The following RBKS variants were observed in gnomAD, a reference collection of about 807,000 sequenced individuals.
The protein encoded by RBKS is ribokinase.
A neutral mutation model predicts 33.9 loss-of-function variants in RBKS; 33 were observed. The observed-to-expected ratio is 0.97, with a 90% CI of 0.74 to 1.30. RBKS has a LOEUF of 1.30. Among genes scored for constraint, RBKS ranks in the 50% most tolerant of loss-of-function variants. The pLI is 0.00. For synonymous variants in RBKS, 125 were observed against 143.0 expected (o/e 0.87, Z 0.90); for missense variants, 361 against 392.6 (o/e 0.92, Z 0.68).
chr2:27,784,447 A>C (rs933768121), intron 7 of RBKS, among the ~76,000 whole-genome samples: 1 of 152,214 alleles, frequency 6.6e-6, no homozygotes, highest in African/African-American at 2.4e-5. Context: ...CAGCACAGTG[A>C]TGGGTGCTAG....
intron 7 of RBKS, among the ~76,000 whole-genome samples, chr2:27,805,864 C>T (rs1246238136): frequency 1.3e-5 from 2 of 151,522 alleles, no homozygotes; most frequent in East Asian, 1.9e-4. Context: ...CATGAGCCAC[C>T]TTGCCCGGCC....
intron 7 of RBKS, among the ~76,000 whole-genome samples, chr2:27,819,274 T>C (rs570191520): frequency 5.5e-4 from 83 of 152,068 alleles, no homozygotes; most frequent in African/African-American, 1.9e-3. Context: ...CATGACTCTT[T>C]GTGTGCACAC....
chr2:27,859,627 G>A (rs4578809), intron 1 of RBKS, among the ~76,000 whole-genome samples: 39,305 of 152,032 alleles, frequency 0.26, 6,084 homozygotes, highest in East Asian at 0.63. Flanking sequence ...CAGGTGGCAC[G>A]AACACTGGCT....
chr2:27,790,609 T>C (rs933963685), intron 7 of RBKS, among the ~76,000 whole-genome samples: 1 of 152,186 alleles, frequency 6.6e-6, no homozygotes, highest in Admixed American at 6.5e-5. Context: ...GGCAAGAGAT[T>C]TGAACAGAAG....
intron 1 of RBKS, among the ~76,000 whole-genome samples, chr2:27,862,815 A>G (rs1664016868): frequency 6.6e-6 from 1 of 152,184 alleles, no homozygotes; most frequent in Admixed American, 6.5e-5. Flanking sequence ...AAGAGTGGAG[A>G]GAGCAACTAG....
chr2:27,801,464 T>TAC (rs56063622), intron 7 of RBKS, among the ~76,000 whole-genome samples: 21,514 of 135,682 alleles, frequency 0.16, 1,819 homozygotes, highest in Middle Eastern at 0.27. Flanking sequence ...GGCCACAGTA[T>TAC]ACACACACAC....
intron 1 of RBKS, among the ~76,000 whole-genome samples, chr2:27,877,339 T>A (rs576529955): frequency 6.6e-6 from 1 of 152,238 alleles, no homozygotes; most frequent in African/African-American, 2.4e-5. Context: ...TTCTATTTTG[T>A]ATTTTAACAT....
At chr2:27,884,567 TA>T (rs1412647897) in intron 1 of RBKS, among the ~76,000 whole-genome samples, 1 of 152,144 alleles carries the variant, frequency 6.6e-6, no homozygotes, top group Non-Finnish European at 1.5e-5. Context: ...TTTTTTTAAG[TA>T]ATCTAGGTCC....
At chr2:27,825,943 G>C (rs1031686053) in intron 7 of RBKS, among the ~76,000 whole-genome samples, 3 of 152,212 alleles carry the variant, frequency 2.0e-5, no homozygotes. Context: ...GAGATGCATA[G>C]AGTCTTTTCA....
chr2:27,856,063 T>C (rs1341362930), intron 2 of RBKS, among the ~76,000 whole-genome samples: 3 of 152,216 alleles, frequency 2.0e-5, no homozygotes, highest in Non-Finnish European at 4.4e-5. Flanking sequence ...ATGGATAAAA[T>C]ATGATTAATG....
At chr2:27,786,749 C>T (rs930423655) in intron 7 of RBKS, among the ~76,000 whole-genome samples, 8 of 150,464 alleles carry the variant, frequency 5.3e-5, no homozygotes, top group Non-Finnish European at 1.2e-4. Context: ...CCACTGCACT[C>T]TCGCCTGGGC....
chr2:27,861,670 G>GGGT (rs1165016824), intron 1 of RBKS: 5 of 427,820 alleles, frequency 1.2e-5, no homozygotes, highest in Admixed American at 7.7e-5. Context: ...TTTTGGGGGG[G>GGGT]GGGTGGAGTC....
At chr2:27,829,078 C>G (rs749491499) in intron 6 of RBKS, among the ~76,000 whole-genome samples, 3 of 152,022 alleles carry the variant, frequency 2.0e-5, no homozygotes, top group Non-Finnish European at 4.4e-5. Flanking sequence ...TTTGTAGAGA[C>G]AGGATGAAGT....
chr2:27,792,934 G>C (rs982443545), intron 7 of RBKS, among the ~76,000 whole-genome samples: 3 of 152,056 alleles, frequency 2.0e-5, no homozygotes, highest in Non-Finnish European at 4.4e-5. Flanking sequence ...CCTATAAAAG[G>C]TCAGCATTCT....
chr2:27,861,621 A>G, intron 1 of RBKS: 1 of 467,716 alleles, frequency 2.1e-6, no homozygotes, highest in East Asian at 7.2e-5. Flanking sequence ...AGTGAAGAAA[A>G]TAATTCACGG....
intron 7 of RBKS, among the ~76,000 whole-genome samples, chr2:27,807,442 C>T (rs1335001909): frequency 6.6e-6 from 1 of 152,052 alleles, no homozygotes; most frequent in Non-Finnish European, 1.5e-5. Context: ...TGCAGTGGTG[C>T]AATCACGGCT....
At chr2:27,873,289 C>T (rs1056703590) in intron 1 of RBKS, among the ~76,000 whole-genome samples, 4 of 152,200 alleles carry the variant, frequency 2.6e-5, no homozygotes, top group African/African-American at 9.6e-5. Flanking sequence ...GGGGTCCCCA[C>T]ACAGACATTC....
At chr2:27,880,509 A>C (rs551246115) in intron 1 of RBKS, among the ~76,000 whole-genome samples, 6 of 152,290 alleles carry the variant, frequency 3.9e-5, no homozygotes, top group African/African-American at 1.4e-4. Flanking sequence ...TTCTATACCT[A>C]GGAAACCCCA....
Position 27,832,797 on chromosome 2 carries a change from G to A in RBKS, c.515-20C>T. On this transcript the variant is annotated intron_variant, in intron 5 of 7. Coordinates refer to ENST00000302188, the MANE Select transcript of RBKS (RefSeq NM_022128.3). Reference sequence around the variant, plus strand: ...TTTTCACTACAAAGGAATGGAAAAGGGGGTTATTATTAGTTTTCATTTTTA... The same window carrying A: ...TTTTCACTACAAAGGAATGGAAAAGAGGGTTATTATTAGTTTTCATTTTTA... 1 of 1,480,420 alleles carries A rather than the reference G, an allele frequency of 6.8e-7. No homozygotes were observed. The highest frequency in any genetic ancestry group is 1.1e-5 in the South Asian group (1 of 88,202). The allele number at this position is 1,480,420 out of a possible 1,614,324, so 91.7% of individuals were successfully genotyped here.
Sources: allele counts gnomAD v4.1 joint callset (sites outside exome capture counted in the v4.1 genomes callset), GRCh38; gene constraint gnomAD v4.1.1; transcripts MANE v1.5; gene names NCBI Gene and HGNC (gene_info 2026-07-23, HGNC 2026-07-21).